HS6ST3: variants seen among roughly 807,000 people sequenced by gnomAD.
HS6ST3 encodes the protein heparan sulfate 6-O-sulfotransferase 3, also known as heparan-sulfate 6-O-sulfotransferase 3.
HS6ST3 carries 12 observed loss-of-function variants against 36.7 expected under a neutral mutation model. The observed-to-expected ratio is 0.33, with a 90% confidence interval of 0.21 to 0.53. The LOEUF (loss-of-function observed/expected upper bound fraction) is 0.53. Among genes scored for constraint, HS6ST3 ranks in the 20% least tolerant of loss-of-function variants. The pLI is 0.95. For synonymous variants in HS6ST3, 240 were observed against 257.5 expected (o/e 0.93, Z 0.65); for missense variants, 584 against 640.9 (o/e 0.91, Z 0.96).
intron 1 of HS6ST3, among the ~76,000 whole-genome samples, chr13:96,660,295 C>T (rs943578616): frequency 1.3e-5 from 2 of 152,016 alleles, no homozygotes; most frequent in African/African-American, 4.8e-5. Flanking sequence ...AAAAATAATA[C>T]ATACTAAAGG....
intron 1 of HS6ST3, among the ~76,000 whole-genome samples, chr13:96,811,851 CA>C (rs1269797643): frequency 6.6e-6 from 1 of 152,096 alleles, no homozygotes; most frequent in African/African-American, 2.4e-5. Context: ...GCTAAGCTAC[CA>C]AACTCAATTT....
At chr13:96,140,664 A>C (rs770154893) in intron 1 of HS6ST3, among the ~76,000 whole-genome samples, 1 of 152,252 alleles carries the variant, frequency 6.6e-6, no homozygotes, top group Non-Finnish European at 1.5e-5. Flanking sequence ...TGTAAAAGAA[A>C]AAGGAAACCG....
At chr13:96,286,458 T>G (rs991411200) in intron 1 of HS6ST3, among the ~76,000 whole-genome samples, 2 of 152,148 alleles carry the variant, frequency 1.3e-5, no homozygotes, top group Non-Finnish European at 2.9e-5. Flanking sequence ...CATAATACAT[T>G]AATACAAAAG....
chr13:96,760,470 A>G (rs1017937858), intron 1 of HS6ST3, among the ~76,000 whole-genome samples: 5 of 147,832 alleles, frequency 3.4e-5, no homozygotes, highest in Non-Finnish European at 6.0e-5. Context: ...ACCTTATAAC[A>G]TTTACGTTGT....
chr13:96,509,757 T>C (rs1047462652), intron 1 of HS6ST3, among the ~76,000 whole-genome samples: 2 of 152,220 alleles, frequency 1.3e-5, no homozygotes, highest in Non-Finnish European at 2.9e-5. Flanking sequence ...CCATGTAGTA[T>C]AATTTGAAGT....
At chr13:96,832,028 T>C (rs1878809091) in intron 1 of HS6ST3, among the ~76,000 whole-genome samples, 1 of 149,462 alleles carries the variant, frequency 6.7e-6, no homozygotes, top group Non-Finnish European at 1.5e-5. Flanking sequence ...TCTAGTCCCA[T>C]GTCCTTGGAT....
intron 1 of HS6ST3, among the ~76,000 whole-genome samples, chr13:96,322,247 T>TA (rs1460182209): frequency 6.6e-6 from 1 of 152,018 alleles, no homozygotes; most frequent in African/African-American, 2.4e-5. Context: ...ATCTACATTT[T>TA]AAAAACGCTA....
chr13:96,835,267 A>G lies in HS6ST3; in HGVS notation c.*2069A>G, dbSNP rs1430960770. The stretch of plus-strand genomic sequence containing the variant: ...ACCACGCTAACAGTGACCCAGAGCC[A>G]TACTGCCTTGGGTCAGTCCAGCCCC... On this transcript the variant is annotated 3_prime_UTR_variant, in exon 2 of 2. Transcript: ENST00000376705. 1.3e-5 allele frequency: 2 copies of G among 152,268 alleles called. No individual in the cohort carries two copies. Among genetic ancestry groups the G allele is most frequent in the African/African-American group, 2.4e-5 (1 of 41,456 alleles). 9.4% of individuals were successfully genotyped at this position (152,268 alleles called of 1,614,324 possible).
chr13:96,814,631 T>G (rs916382852), intron 1 of HS6ST3, among the ~76,000 whole-genome samples: 5 of 152,190 alleles, frequency 3.3e-5, no homozygotes, highest in Admixed American at 1.3e-4. Flanking sequence ...ATTGGGGATT[T>G]TTTTCAAGAT....
At chr13:96,142,769 T>G (rs909761707) in intron 1 of HS6ST3, among the ~76,000 whole-genome samples, 1 of 152,136 alleles carries the variant, frequency 6.6e-6, no homozygotes, top group Admixed American at 6.5e-5. Context: ...TTAGTGCAAT[T>G]AAATATTTTA....
intron 1 of HS6ST3, among the ~76,000 whole-genome samples, chr13:96,558,869 A>G (rs1228670524): frequency 6.6e-6 from 1 of 152,192 alleles, no homozygotes; most frequent in Non-Finnish European, 1.5e-5. Flanking sequence ...TTCTACTTGT[A>G]ATCTCACACA....
chr13:96,090,980 C>G lies in HS6ST3; in HGVS notation c.118C>G (p.Gln40Glu). 1 of 1,365,414 alleles carries G rather than the reference C, an allele frequency of 7.3e-7. No homozygotes were observed. The highest frequency in any genetic ancestry group is 9.5e-7 in the Non-Finnish European group (1 of 1,049,444). 84.6% of individuals were successfully genotyped at this position (1,365,414 alleles called of 1,614,324 possible). A position where few individuals can be genotyped will look rare whatever the true frequency, so the allele number is the denominator to read the frequency against. Reference sequence around the variant, plus strand: ...CAGCTCCTGCACCAACTTCGGGGAGCAGCCCCGCGCGGGGGAGGCCGGCCC... The same window carrying G: ...CAGCTCCTGCACCAACTTCGGGGAGGAGCCCCGCGCGGGGGAGGCCGGCCC... ...CTSSCTNFGE[Q>E]PRAGEAGPPA... The change falls in exon 1 of 2, where the codon CAG becomes GAG. Residue 40 changes from glutamine (Q) to glutamate (E), a missense_variant. By Grantham distance (29) the Gln-to-Glu change is conservative. This residue lies in a region of HS6ST3 where 217 missense variants were observed against 205.4 expected (regional missense o/e 1.06). Transcript: ENST00000376705.
At chr13:96,721,227 A>T (rs1345563877) in intron 1 of HS6ST3, among the ~76,000 whole-genome samples, 1 of 152,164 alleles carries the variant, frequency 6.6e-6, no homozygotes, top group East Asian at 1.9e-4. Context: ...ATAATTTTAG[A>T]ACAAGACACA....
intron 1 of HS6ST3, among the ~76,000 whole-genome samples, chr13:96,308,210 C>A (rs779387182): frequency 6.6e-6 from 1 of 152,016 alleles, no homozygotes; most frequent in Non-Finnish European, 1.5e-5. Flanking sequence ...TTAGACATTA[C>A]GTTAAAAGGA....
chr13:96,601,899 A>G (rs1248001728), intron 1 of HS6ST3, among the ~76,000 whole-genome samples: 1 of 152,108 alleles, frequency 6.6e-6, no homozygotes, highest in East Asian at 1.9e-4. Flanking sequence ...TTTATGGAGA[A>G]TCTTTGGCTT....
At chr13:96,802,512 GC>G (rs1369601105) in intron 1 of HS6ST3, among the ~76,000 whole-genome samples, 11 of 152,124 alleles carry the variant, frequency 7.2e-5, no homozygotes, top group Admixed American at 3.9e-4. Context: ...GTTGGCAAAA[GC>G]CTTAAACATG....
At chr13:96,697,990 G>A (rs114456605) in intron 1 of HS6ST3, among the ~76,000 whole-genome samples, 2,270 of 151,850 alleles carry the variant, frequency 0.015, 54 homozygotes, top group African/African-American at 0.051. Flanking sequence ...ATTATTCTCT[G>A]CTATTTTCCA....
At chr13:96,264,282 T>C (rs1048866264) in intron 1 of HS6ST3, among the ~76,000 whole-genome samples, 3 of 152,130 alleles carry the variant, frequency 2.0e-5, no homozygotes, top group Non-Finnish European at 4.4e-5. Context: ...AGTGAGGTAA[T>C]GGGTGAGATC....
intron 1 of HS6ST3, among the ~76,000 whole-genome samples, chr13:96,819,977 G>A (rs1365092348): frequency 6.6e-6 from 1 of 152,114 alleles, no homozygotes; most frequent in Admixed American, 6.5e-5. Flanking sequence ...TTGGGAGGCT[G>A]AGACAGGTGA....
Sources: allele counts gnomAD v4.1 joint callset (sites outside exome capture counted in the v4.1 genomes callset), GRCh38; gene constraint gnomAD v4.1.1; regional missense constraint gnomAD v4.1.1; transcripts MANE v1.5; gene names NCBI Gene and HGNC (gene_info 2026-07-23, HGNC 2026-07-21).